The following CHD6 variants were observed in gnomAD, a reference collection of about 807,000 sequenced individuals.
The protein encoded by CHD6 is chromodomain helicase DNA binding protein 6.
CHD6 carries 50 observed loss-of-function variants against 276.9 expected under a neutral mutation model. The observed-to-expected ratio is 0.18, with a 90% confidence interval of 0.14 to 0.23. The LOEUF is 0.23. Among genes scored for constraint, CHD6 ranks in the 10% least tolerant of loss-of-function variants. CHD6 has a pLI of 1.00. For synonymous variants in CHD6, 1,173 were observed against 1,229.3 expected, an observed-to-expected ratio of 0.95 and a Z score of 0.96; for missense variants, 2,564 against 3,365.8, an observed-to-expected ratio of 0.76 and a Z score of 5.89.
At chr20:41,514,464 C>A (rs1039382781) in intron 4 of CHD6, among the ~76,000 whole-genome samples, 3 of 152,154 alleles carry the variant, frequency 2.0e-5, no homozygotes, top group Non-Finnish European at 4.4e-5. Flanking sequence ...ACGGGCTGGC[C>A]TGGCACTCTG....
intron 3 of CHD6, among the ~76,000 whole-genome samples, chr20:41,523,210 T>C (rs1175277590): frequency 6.6e-6 from 1 of 152,178 alleles, no homozygotes; most frequent in Non-Finnish European, 1.5e-5. Context: ...GCTAATTTGA[T>C]TGGGTTTATG....
chr20:41,527,768 G>A (rs2044578877), intron 3 of CHD6, among the ~76,000 whole-genome samples: 1 of 152,178 alleles, frequency 6.6e-6, no homozygotes, highest in Non-Finnish European at 1.5e-5. Flanking sequence ...AAATTCCTGT[G>A]TTGGAAACCT....
intron 26 of CHD6, among the ~76,000 whole-genome samples, chr20:41,439,237 T>C (rs2047819228): frequency 6.6e-6 from 1 of 152,036 alleles, no homozygotes; most frequent in African/African-American, 2.4e-5. Context: ...GTGCCTGTAG[T>C]TCCAGCTACT....
At chr20:41,605,611 A>G (rs2045819222) in intron 1 of CHD6, among the ~76,000 whole-genome samples, 1 of 152,204 alleles carries the variant, frequency 6.6e-6, no homozygotes, top group African/African-American at 2.4e-5. Context: ...AGTACTAAGG[A>G]GTTTTACACA....
chr20:41,606,685 A>AAC (rs1263301151), intron 1 of CHD6, among the ~76,000 whole-genome samples: 3 of 152,002 alleles, frequency 2.0e-5, no homozygotes, highest in East Asian at 3.9e-4. Flanking sequence ...AAAAAAAAAA[A>AAC]AAAACTTATC....
intron 2 of CHD6, among the ~76,000 whole-genome samples, chr20:41,550,048 G>A (rs2045120994): frequency 2.6e-5 from 4 of 152,174 alleles, no homozygotes; most frequent in Admixed American, 2.0e-4. Context: ...TGATCTGACT[G>A]CCTCGGCCTC....
chr20:41,527,185 C>T (rs2044560543), intron 3 of CHD6, among the ~76,000 whole-genome samples: 1 of 152,174 alleles, frequency 6.6e-6, no homozygotes, highest in Non-Finnish European at 1.5e-5. Flanking sequence ...TGCCTGTAAT[C>T]CCAGCACTTT....
intron 5 of CHD6, among the ~76,000 whole-genome samples, chr20:41,507,838 C>A (rs1308195526): frequency 1.3e-5 from 2 of 152,140 alleles, no homozygotes; most frequent in African/African-American, 4.8e-5. Flanking sequence ...TCAACCTCAG[C>A]CAACTACCTC....
At position 41,403,820 on chromosome 20, in the gene CHD6, G is replaced by A. The variant is rs1046712058; in HGVS notation, c.*773C>T. On this transcript the variant is annotated 3_prime_UTR_variant, in exon 37 of 37. Transcript: ENST00000373233. Reference sequence around the variant, plus strand: ...GAAGCAGCGTGTAGCTCTACGGAGCGCGGGTCCTTGCCCCACCCCCGTCGA... The same window carrying A: ...GAAGCAGCGTGTAGCTCTACGGAGCACGGGTCCTTGCCCCACCCCCGTCGA... 13 of 1,056,948 alleles carry A rather than the reference G, an allele frequency of 1.2e-5. No individual in the cohort carries two copies. Among genetic ancestry groups the A allele is most frequent in the Middle Eastern group, 8.4e-4 (2 of 2,388 alleles). The allele number at this position is 1,056,948 out of a possible 1,614,324, so 65.5% of individuals were successfully genotyped here.
chr20:41,605,138 A>C (rs187828654), intron 1 of CHD6, among the ~76,000 whole-genome samples: 2 of 152,246 alleles, frequency 1.3e-5, no homozygotes, highest in East Asian at 3.9e-4. Context: ...GTATTGTCAC[A>C]AAAAAAGTCA....
intron 1 of CHD6, among the ~76,000 whole-genome samples, chr20:41,588,690 C>G (rs753997861): frequency 6.6e-6 from 1 of 152,068 alleles, no homozygotes; most frequent in Non-Finnish European, 1.5e-5. Flanking sequence ...ATCTTTGTAC[C>G]CTGCAAACTA....
At chr20:41,549,593 T>C (rs1382621301) in intron 2 of CHD6, among the ~76,000 whole-genome samples, 1 of 149,216 alleles carries the variant, frequency 6.7e-6, no homozygotes, top group Non-Finnish European at 1.5e-5. Flanking sequence ...TGTATACATA[T>C]GTAACAAACC....
At chr20:41,487,894 A>G (rs1008236377) in intron 13 of CHD6, 86 bp from the exon 14 acceptor site, 1 of 1,427,146 alleles carries the variant, frequency 7.0e-7, no homozygotes. Flanking sequence ...CAGGGCATTG[A>G]GTGCTCAATT....
At chr20:41,491,845 T>G in intron 10 of CHD6, 26 bp from the exon 11 acceptor site, 1 of 1,612,694 alleles carries the variant, frequency 6.2e-7, no homozygotes, top group South Asian at 1.1e-5. Flanking sequence ...AACAGCATAA[T>G]AGATAGAGAA....
At chr20:41,523,526 C>G (rs1394107696) in intron 3 of CHD6, among the ~76,000 whole-genome samples, 1 of 152,188 alleles carries the variant, frequency 6.6e-6, no homozygotes, top group Non-Finnish European at 1.5e-5. Flanking sequence ...ACATGTAGGA[C>G]AACTATTAGT....
chr20:41,458,835 G>A (rs1047541496), intron 17 of CHD6, among the ~76,000 whole-genome samples: 1 of 152,094 alleles, frequency 6.6e-6, no homozygotes, highest in Non-Finnish European at 1.5e-5. Flanking sequence ...GACACTGAGA[G>A]GAAGAGGTGG....
chr20:41,421,626 T>C lies in CHD6; in HGVS notation c.5009A>G (p.Asp1670Gly). The change falls in exon 31 of 37, where the codon GAT becomes GGT. Residue 1670 changes from aspartate to glycine, a missense_variant. Asp to Gly is a moderately conservative substitution (Grantham distance 94, BLOSUM62 -1). Around this residue, in one of 7 missense-constraint regions of CHD6, gnomAD observed 1,024 missense variants for 1,047.9 expected, o/e 0.98. Coordinates refer to ENST00000373233, the MANE Select transcript of CHD6 (RefSeq NM_032221.5). ...TGTCACATCAGGCAGGCTGAGATGATCATCTCTGCTTTCTACTCTCACTAG... is the reference window on the plus strand; with the variant it reads ...TGTCACATCAGGCAGGCTGAGATGACCATCTCTGCTTTCTACTCTCACTAG... ...ENLVRVESRD[D>G]HLSLPDVTCE... 1 of 1,613,982 alleles carries C rather than the reference T, an allele frequency of 6.2e-7. No homozygotes were observed. Among genetic ancestry groups the C allele is most frequent in the Non-Finnish European group, 8.5e-7 (1 of 1,179,932 alleles).
intron 33 of CHD6, among the ~76,000 whole-genome samples, chr20:41,416,181 C>CT (rs892764581): frequency 6.6e-6 from 1 of 152,214 alleles, no homozygotes; most frequent in African/African-American, 2.4e-5. Flanking sequence ...GCTCAGTTCT[C>CT]TAAGGGTCAA....
Position 41,462,896 on chromosome 20 carries a change from T to G in CHD6, c.2665-5468A>C, listed in dbSNP as rs149247332. Among the ~76,000 whole-genome samples the G allele has an allele frequency of 5.6e-3, 853 of 152,174 alleles. 8 individuals are homozygous for G. The highest frequency in any genetic ancestry group is 0.024 in the Middle Eastern group (7 of 294). Reference sequence around the variant, plus strand: ...TGCAGTAGCAATGAACACACCCAACTCCTGAATCTTGATTGCTAAAAACCA... The same window carrying G: ...TGCAGTAGCAATGAACACACCCAACGCCTGAATCTTGATTGCTAAAAACCA... On this transcript the variant is annotated intron_variant, in intron 17 of 36. Coordinates refer to ENST00000373233, the MANE Select transcript of CHD6 (RefSeq NM_032221.5).
Sources: gnomAD v4.1 joint callset for allele counts (sites outside exome capture counted in the v4.1 genomes callset) on GRCh38, gnomAD v4.1.1 for gene constraint, gnomAD v4.1.1 regional missense constraint, MANE v1.5 for transcripts, NCBI Gene and HGNC (gene_info 2026-07-23, HGNC 2026-07-21) for gene names.